The following UBE4B variants were observed in gnomAD, a reference collection of about 807,000 sequenced individuals.
The protein encoded by UBE4B is ubiquitination factor E4B.
A neutral mutation model predicts 148.1 loss-of-function variants in UBE4B; 27 were observed. That is an observed-to-expected ratio of 0.18 (90% CI 0.13 to 0.25). The LOEUF (loss-of-function observed/expected upper bound fraction) is 0.25, where lower values mean the gene tolerates loss of function less well. Among genes scored for constraint, UBE4B ranks in the 10% least tolerant of loss-of-function variants. UBE4B has a pLI of 1.00. For missense variants in UBE4B, 1,170 were observed against 1,662.4 expected, an observed-to-expected ratio of 0.70 and a Z score of 5.15; for synonymous variants, 596 against 619.3, an observed-to-expected ratio of 0.96 and a Z score of 0.56.
At chr1:10,138,212 C>T (rs1223450046) in intron 17 of UBE4B, among the ~76,000 whole-genome samples, 1 of 151,724 alleles carries the variant, frequency 6.6e-6, no homozygotes, top group Non-Finnish European at 1.5e-5. Context: ...ATTCTCCTGT[C>T]TCAGTCTCCT....
Position 10,130,771 on chromosome 1 carries a change from T to C in UBE4B, c.1869T>C (p.Arg623=), listed in dbSNP as rs765751703. The C allele has an allele frequency of 8.1e-6, 13 of 1,614,204 alleles. No individual in the cohort carries two copies. The Admixed American group carries it at 1.2e-4, about 14-fold the overall frequency. Residue 623 remains arginine, a synonymous_variant, in exon 14 of 28, where the codon CGT becomes CGC. Transcript: ENST00000343090. ...SGPAITLENT[R]VVSQSLQHYL... ...CTGCCATTACCCTGGAAAACACTCG[T>C]GTGGTTAGCCAATCATTGCAGCATT...
intron 17 of UBE4B, among the ~76,000 whole-genome samples, chr1:10,144,273 G>T (rs1410418429): frequency 6.6e-6 from 1 of 152,124 alleles, no homozygotes; most frequent in Admixed American, 6.6e-5. Context: ...TTTGTTTTGG[G>T]TAATTGAATA....
intron 1 of UBE4B, among the ~76,000 whole-genome samples, chr1:10,052,858 TGAG>T (rs1484594541): frequency 6.6e-6 from 1 of 152,214 alleles, no homozygotes; most frequent in Non-Finnish European, 1.5e-5. Context: ...TTCTGGAGGC[TGAG>T]AAGTTCCAAG....
chr1:10,172,324 C>T (rs975245719), intron 25 of UBE4B, among the ~76,000 whole-genome samples: 2 of 152,226 alleles, frequency 1.3e-5, no homozygotes, highest in Non-Finnish European at 2.9e-5. Flanking sequence ...CACCTCATTT[C>T]ACCCACTTTT....
At chr1:10,125,303 CTGTT>C (rs1189716198) in intron 10 of UBE4B, among the ~76,000 whole-genome samples, 1 of 152,202 alleles carries the variant, frequency 6.6e-6, no homozygotes, top group African/African-American at 2.4e-5. Context: ...TCTGGAACCT[CTGTT>C]TGTCTTTTCT....
At position 10,102,952 on chromosome 1, in the gene UBE4B, C is replaced by T; in HGVS notation, c.440C>T (p.Pro147Leu). 1.2e-6 allele frequency: 2 copies of T among 1,603,424 alleles called. No individual in the cohort carries two copies. The highest frequency in any genetic ancestry group is 2.7e-5 in the African/African-American group (2 of 74,734). ...GCAAATCTTCTTCTTCACCAGGAGCCTTCCTCGGGCCCTGAAGTGTCTGAA... is the reference window on the plus strand; with the variant it reads ...GCAAATCTTCTTCTTCACCAGGAGCTTTCCTCGGGCCCTGAAGTGTCTGAA... ...REKRSLSDKE[P>L]SSGPEVSEEQ... The change falls in exon 5 of 28, where the codon CCT (proline) becomes CTT (leucine). Residue 147 changes from proline (P) to leucine (L), a missense_variant. Coordinates refer to ENST00000343090, the MANE Select transcript of UBE4B (RefSeq NM_001105562.3).
intron 26 of UBE4B, 181 bp downstream of exon 26, chr1:10,178,999 A>G (rs1385228505): frequency 6.2e-6 from 4 of 648,624 alleles, no homozygotes; most frequent in Non-Finnish European, 9.5e-6. Flanking sequence ...AGAGGAAGAA[A>G]CATCCTTAGC....
At chr1:10,070,198 T>G (rs1644460740) in intron 1 of UBE4B, among the ~76,000 whole-genome samples, 1 of 150,772 alleles carries the variant, frequency 6.6e-6, no homozygotes, top group Non-Finnish European at 1.5e-5. Context: ...CGCATGAACC[T>G]GGGAGGGGGA....
chr1:10,063,679 C>T lies in UBE4B; in HGVS notation c.25-8349C>T, dbSNP rs112907042. 8.4e-3 allele frequency among the ~76,000 whole-genome samples: 1,281 copies of T among 152,076 alleles called. 25 individuals are homozygous for T. Among genetic ancestry groups the T allele is most frequent in the African/African-American group, 0.03 (1,235 of 41,492 alleles). On this transcript the variant is annotated intron_variant, in intron 1 of 27. Coordinates refer to ENST00000343090, the MANE Select transcript of UBE4B (RefSeq NM_001105562.3). Reference sequence around the variant, plus strand: ...CAACACTTTGGGAGGCCAAGTCAGGCGGATCACTTGAGGTCGTCAGGAGTT... The same window carrying T: ...CAACACTTTGGGAGGCCAAGTCAGGTGGATCACTTGAGGTCGTCAGGAGTT...
intron 27 of UBE4B, 92 bp downstream of exon 27, chr1:10,179,654 T>G (rs1392546062): frequency 1.9e-5 from 30 of 1,567,574 alleles, no homozygotes; most frequent in Non-Finnish European, 2.3e-5. Context: ...AGAAGGGAAA[T>G]TTATCAAATG....
At chr1:10,142,268 G>A (rs1278699049) in intron 17 of UBE4B, among the ~76,000 whole-genome samples, 2 of 152,104 alleles carry the variant, frequency 1.3e-5, no homozygotes, top group Non-Finnish European at 2.9e-5. Context: ...ATAAACTCTT[G>A]TGATACCCGT....
intron 1 of UBE4B, among the ~76,000 whole-genome samples, chr1:10,066,605 T>C (rs1448434986): frequency 6.6e-6 from 1 of 151,946 alleles, no homozygotes; most frequent in Admixed American, 6.6e-5. Context: ...ATAAAACCAA[T>C]AATAATACTA....
chr1:10,044,148 C>T (rs776094664), intron 1 of UBE4B, among the ~76,000 whole-genome samples: 12 of 151,936 alleles, frequency 7.9e-5, no homozygotes, highest in African/African-American at 1.9e-4. Context: ...CAGGTTCAAG[C>T]GATTCTCGTG....
intron 7 of UBE4B, among the ~76,000 whole-genome samples, chr1:10,117,015 T>G (rs1253108179): frequency 6.6e-6 from 1 of 152,230 alleles, no homozygotes; most frequent in Admixed American, 6.5e-5. Context: ...TGAGGGCTTT[T>G]GAGATCCATG....
chr1:10,091,187 A>G (rs567756331), intron 2 of UBE4B, among the ~76,000 whole-genome samples: 1 of 152,250 alleles, frequency 6.6e-6, no homozygotes, highest in Admixed American at 6.5e-5. Flanking sequence ...ACAGCAGATT[A>G]TGTTCATTTT....
intron 1 of UBE4B, among the ~76,000 whole-genome samples, chr1:10,036,128 AG>A (rs1378377058): frequency 1.4e-5 from 2 of 147,228 alleles, no homozygotes; most frequent in Non-Finnish European, 3.0e-5. Context: ...CTTGGTTTAG[AG>A]GCTTTTGCAT....
At chr1:10,059,870 C>T (rs1644251918) in intron 1 of UBE4B, among the ~76,000 whole-genome samples, 2 of 152,148 alleles carry the variant, frequency 1.3e-5, no homozygotes, top group Non-Finnish European at 2.9e-5. Context: ...GTCTTCAGCC[C>T]AAGCCAAGGG....
intron 2 of UBE4B, among the ~76,000 whole-genome samples, chr1:10,088,168 C>T (rs1644791894): frequency 6.6e-6 from 1 of 152,100 alleles, no homozygotes; most frequent in Non-Finnish European, 1.5e-5. Context: ...AGCCAGTTCT[C>T]CAAGGAGCAG....
intron 16 of UBE4B, 114 bp from the exon 17 acceptor site, chr1:10,136,953 A>T: frequency 1.8e-6 from 2 of 1,137,260 alleles, no homozygotes; most frequent in Non-Finnish European, 2.5e-6. Flanking sequence ...ACAAATAAAA[A>T]GTATCTTTAA....
Sources: gnomAD v4.1 joint callset for allele counts (sites outside exome capture counted in the v4.1 genomes callset) on GRCh38, gnomAD v4.1.1 for gene constraint, MANE v1.5 for transcripts, NCBI Gene and HGNC (gene_info 2026-07-23, HGNC 2026-07-21) for gene names.